Variants in ADAMTS19 observed in about 807,000 individuals in gnomAD.
The protein encoded by ADAMTS19 is A disintegrin and metalloproteinase with thrombospondin motifs 19.
In ADAMTS19, 93 loss-of-function variants were observed where a neutral mutation model predicts 153.3. The ratio of observed to expected loss-of-function variants is 0.61; its 90% CI spans 0.51 to 0.72. The LOEUF (loss-of-function observed/expected upper bound fraction) is 0.72. ADAMTS19 is among the 30% of genes least tolerant of loss of function. The probability of loss-of-function intolerance (pLI) is 0.00; values close to 1 mark genes in which losing one functional copy is unlikely to be tolerated. For missense variants in ADAMTS19, 1,482 were observed against 1,552.1 expected (o/e 0.95, Z 0.76); for synonymous variants, 600 against 556.6 (o/e 1.08, Z -1.10).
chr5:129,676,205 G>A (rs2127107375), intron 16 of ADAMTS19, among the ~76,000 whole-genome samples: 1 of 152,188 alleles, frequency 6.6e-6, no homozygotes, highest in South Asian at 2.1e-4. Context: ...TTATGAATGT[G>A]ACATTGCTGA....
At chr5:129,606,902 CTTTA>C (rs147321070) in intron 8 of ADAMTS19, among the ~76,000 whole-genome samples, 124,627 of 149,920 alleles carry the variant, frequency 0.83, 52,065 homozygotes, top group Non-Finnish European at 0.88. Flanking sequence ...TATGTTTCCA[CTTTA>C]TTTATTTATT....
chr5:129,604,713 C>T (rs1750811365), intron 8 of ADAMTS19, among the ~76,000 whole-genome samples: 1 of 152,102 alleles, frequency 6.6e-6, no homozygotes, highest in African/African-American at 2.4e-5. Flanking sequence ...ATGCTGTATG[C>T]ATATTCAAAG....
At chr5:129,676,208 A>G (rs1020292331) in intron 16 of ADAMTS19, among the ~76,000 whole-genome samples, 2 of 152,208 alleles carry the variant, frequency 1.3e-5, no homozygotes, top group African/African-American at 4.8e-5. Context: ...TGAATGTGAC[A>G]TTGCTGAATG....
At chr5:129,594,976 C>G (rs1750305507) in intron 7 of ADAMTS19, among the ~76,000 whole-genome samples, 1 of 152,014 alleles carries the variant, frequency 6.6e-6, no homozygotes, top group South Asian at 2.1e-4. Context: ...GTCATTTCAT[C>G]TGTTTGTAGA....
intron 16 of ADAMTS19, among the ~76,000 whole-genome samples, chr5:129,669,868 T>C (rs1420843780): frequency 6.6e-6 from 1 of 152,106 alleles, no homozygotes; most frequent in Non-Finnish European, 1.5e-5. Context: ...TTTCTACAAA[T>C]TTGTGCATTT....
chr5:129,722,614 T>A (rs1757050979), intron 21 of ADAMTS19, among the ~76,000 whole-genome samples: 1 of 152,234 alleles, frequency 6.6e-6, no homozygotes, highest in African/African-American at 2.4e-5. Context: ...ATCCCATTTG[T>A]CAATTTTAGC....
At chr5:129,728,106 C>T (rs1283914906) in intron 21 of ADAMTS19, among the ~76,000 whole-genome samples, 1 of 152,132 alleles carries the variant, frequency 6.6e-6, no homozygotes, top group Non-Finnish European at 1.5e-5. Context: ...ATACATTATG[C>T]ATTAGCATGC....
chr5:129,624,296 T>G (rs1052725313), intron 10 of ADAMTS19, among the ~76,000 whole-genome samples: 4 of 152,230 alleles, frequency 2.6e-5, no homozygotes, highest in African/African-American at 9.6e-5. Flanking sequence ...TTCTGTAAGG[T>G]CTGTCTCCGG....
intron 7 of ADAMTS19, among the ~76,000 whole-genome samples, chr5:129,564,884 T>C (rs945329385): frequency 3.3e-5 from 5 of 152,140 alleles, no homozygotes; most frequent in Non-Finnish European, 7.3e-5. Context: ...TGACATTAGC[T>C]TTGAAATAAA....
chr5:129,522,660 GA>G (rs1013728880), intron 3 of ADAMTS19, among the ~76,000 whole-genome samples: 1 of 151,934 alleles, frequency 6.6e-6, no homozygotes, highest in Admixed American at 6.6e-5. Flanking sequence ...GTCTACATAA[GA>G]TTAGTTTCCA....
At chr5:129,532,811 T>C (rs1380044344) in intron 6 of ADAMTS19, among the ~76,000 whole-genome samples, 2 of 152,164 alleles carry the variant, frequency 1.3e-5, no homozygotes, top group African/African-American at 2.4e-5. Flanking sequence ...AATATCATTA[T>C]ACTGAGGCCA....
At chr5:129,626,113 A>T (rs1337602853) in intron 10 of ADAMTS19, among the ~76,000 whole-genome samples, 2 of 152,174 alleles carry the variant, frequency 1.3e-5, no homozygotes, top group African/African-American at 4.8e-5. Context: ...GGTCTAGAGC[A>T]GTTAAATAAT....
intron 18 of ADAMTS19, 26 bp downstream of exon 18, chr5:129,684,299 T>C: frequency 6.2e-7 from 1 of 1,610,810 alleles, no homozygotes; most frequent in South Asian, 1.1e-5. Context: ...ACATTTATCT[T>C]TCCAAAACAT....
At chr5:129,717,797 C>A (rs1756798479) in intron 21 of ADAMTS19, among the ~76,000 whole-genome samples, 1 of 152,180 alleles carries the variant, frequency 6.6e-6, no homozygotes, top group East Asian at 1.9e-4. Context: ...AAAATGCTAT[C>A]TGTGCTATTT....
intron 21 of ADAMTS19, among the ~76,000 whole-genome samples, chr5:129,726,547 G>A (rs1205862272): frequency 6.6e-6 from 1 of 152,126 alleles, no homozygotes; most frequent in South Asian, 2.1e-4. Context: ...AGGGAAGGAA[G>A]GGGAGAGAGA....
chr5:129,511,748 T>G (rs1371998151), intron 3 of ADAMTS19, among the ~76,000 whole-genome samples: 1 of 151,848 alleles, frequency 6.6e-6, no homozygotes, highest in African/African-American at 2.4e-5. Context: ...TCAGACTGCC[T>G]GTGTTCATAT....
intron 17 of ADAMTS19, among the ~76,000 whole-genome samples, chr5:129,683,726 T>C (rs1478213136): frequency 6.6e-6 from 1 of 151,554 alleles, no homozygotes; most frequent in Admixed American, 6.6e-5. Flanking sequence ...TGATATATGA[T>C]AGAACACATA....
intron 3 of ADAMTS19, among the ~76,000 whole-genome samples, chr5:129,526,015 C>T (rs371113276): frequency 6.6e-6 from 1 of 151,986 alleles, no homozygotes; most frequent in East Asian, 1.9e-4. Context: ...AAGCCATCAA[C>T]AACTCTGAAA....
intron 7 of ADAMTS19, among the ~76,000 whole-genome samples, chr5:129,581,746 A>C (rs1025225328): frequency 4.6e-5 from 7 of 152,198 alleles, no homozygotes; most frequent in Admixed American, 3.9e-4. Context: ...ATTTAGCGCT[A>C]TAAATTTCCC....
Sources: gnomAD v4.1 joint callset for allele counts (sites outside exome capture counted in the v4.1 genomes callset) on GRCh38, gnomAD v4.1.1 for gene constraint, MANE v1.5 for transcripts, NCBI Gene and HGNC (gene_info 2026-07-23, HGNC 2026-07-21) for gene names.